Variants in IRF5 observed in about 807,000 individuals in gnomAD.
The protein encoded by IRF5 is interferon regulatory factor 5.
In IRF5, 24 loss-of-function variants were observed where a neutral mutation model predicts 55.1. That is an observed-to-expected ratio of 0.44 (90% confidence interval 0.32 to 0.61). IRF5 has a LOEUF of 0.61. Among genes scored for constraint, IRF5 ranks in the 20% least tolerant of loss-of-function variants. The pLI, the probability that IRF5 is intolerant of heterozygous loss-of-function variation, is 0.07. For synonymous variants in IRF5, 258 were observed against 260.2 expected, an observed-to-expected ratio of 0.99 and a Z score of 0.08; for missense variants, 499 against 658.5, an observed-to-expected ratio of 0.76 and a Z score of 2.65.
rs1209881254 is a variant in IRF5, at chr7:128,947,069, G to A, written c.481+13G>A. The A allele has an allele frequency of 6.2e-7, 1 of 1,614,132 alleles. No homozygotes were observed. The highest frequency in any genetic ancestry group is 1.3e-5 in the African/African-American group (1 of 75,032). On this transcript the variant is annotated intron_variant, in intron 5 of 8. Coordinates refer to ENST00000357234, the MANE Select transcript of IRF5 (RefSeq NM_001098629.3). The surrounding 1 kb of genome is among the most constrained non-coding windows in gnomAD (Gnocchi z 6.5). Reference sequence around the variant, plus strand: ...CTGAGCCTCACAGGTGGGGCCGGGAGGTGGTGGTTGGGGGTCTAGTATACA... The same window carrying A: ...CTGAGCCTCACAGGTGGGGCCGGGAAGTGGTGGTTGGGGGTCTAGTATACA...
chr7:128,938,517 G>A (rs1457807523), intron 1 of IRF5, among the ~76,000 whole-genome samples: 1 of 152,212 alleles, frequency 6.6e-6, no homozygotes, highest in South Asian at 2.1e-4. Flanking sequence ...TGCTCTTACC[G>A]GGCCACCCTC....
In IRF5 at chr7:128,946,863, C is replaced by A; in HGVS notation, c.448-160C>A. On this transcript the variant is annotated intron_variant, in intron 4 of 8. Transcript: ENST00000357234. This position sits in a 1 kb window ranked among gnomAD's most constrained non-coding sequence, Gnocchi z 4.2. The stretch of plus-strand genomic sequence containing the variant: ...GCTTTTCTGACCTGCCTGGGATGGA[C>A]GAGCTGGGACCGGAGGCAGGGTCTT... 1.2e-6 allele frequency: 1 copy of A among 860,780 alleles called. No homozygotes were observed. The highest frequency in any genetic ancestry group is 1.9e-6 in the Non-Finnish European group (1 of 530,526). 53.3% of individuals were successfully genotyped at this position (860,780 alleles called of 1,614,324 possible). A position where few individuals can be genotyped will look rare whatever the true frequency, so the allele number is the denominator to read the frequency against.
Position 128,946,504 on chromosome 7 carries a change from C to T in IRF5, c.389C>T (p.Ser130Phe). ...CTTTTCTCTCCCTGCTGTGCAGACT[C>T]CCAGCCCCCTGAGGATTACTCTTTT... is the stretch of plus-strand genomic sequence containing the variant. Reference protein sequence around the residue: ...VCSNGPAPTDSQPPEDYSFGA... With the variant: ...VCSNGPAPTDFQPPEDYSFGA... Residue 130 changes from serine (S) to phenylalanine (F), a missense_variant, in exon 4 of 9, where the codon TCC (serine) becomes TTC (phenylalanine). Ser to Phe is a radical substitution (Grantham distance 155, BLOSUM62 -2). This residue lies in a region of IRF5 where 305 missense variants were observed against 340.2 expected (regional missense o/e 0.90). Coordinates refer to ENST00000357234, the MANE Select transcript of IRF5 (RefSeq NM_001098629.3). This position sits in a 1 kb window ranked among gnomAD's most constrained non-coding sequence, Gnocchi z 4.2. The T allele has an allele frequency of 6.2e-7, 1 of 1,606,616 alleles. No homozygotes were observed. The highest frequency in any genetic ancestry group is 1.3e-5 in the African/African-American group (1 of 74,984).
rs1181192323 is a variant in IRF5 at position 128,948,546 on chromosome 7, C to T, written c.1300-27C>T. ...TCTGGCAGCCCTGCCACAGGTCTCC[C>T]TGTCTCATCTCCTCTTTGCCTCCCA... On this transcript the variant is annotated intron_variant, in intron 8 of 8. Transcript: ENST00000357234. The surrounding 1 kb of genome is among the most constrained non-coding windows in gnomAD (Gnocchi z 4.6). The T allele has an allele frequency of 1.9e-6, 3 of 1,611,486 alleles. No individual in the cohort carries two copies. Among genetic ancestry groups the T allele is most frequent in the Non-Finnish European group, 2.5e-6 (3 of 1,179,638 alleles).
In IRF5 at chr7:128,949,051, C is replaced by A; in HGVS notation, c.*233C>A. 3.6e-6 allele frequency: 2 copies of A among 560,476 alleles called. No individual in the cohort carries two copies. The highest frequency in any genetic ancestry group is 4.4e-5 in the South Asian group (2 of 45,214). The allele number at this position is 560,476 out of a possible 1,614,324, so 34.7% of individuals were successfully genotyped here. On this transcript the variant is annotated 3_prime_UTR_variant, in exon 9 of 9. Coordinates refer to ENST00000357234, the MANE Select transcript of IRF5 (RefSeq NM_001098629.3). ...CAGCCTGGCTCTCGGGAAATTCAGC[C>A]ATGAGCAGGGAAAGAACTCTCCCAA...
chr7:128,944,560 C>T (rs1348149692), intron 2 of IRF5, among the ~76,000 whole-genome samples: 1 of 152,198 alleles, frequency 6.6e-6, no homozygotes, highest in East Asian at 1.9e-4. Flanking sequence ...CTCCCTCCTT[C>T]CCTGGTTCAT....
Position 128,947,918 on chromosome 7 carries a change from A to G in IRF5, c.977A>G (p.Gln326Arg). The G allele has an allele frequency of 6.2e-7, 1 of 1,614,098 alleles. No individual in the cohort carries two copies. The highest frequency in any genetic ancestry group is 8.5e-7 in the Non-Finnish European group (1 of 1,180,012). Residue 326 changes from glutamine (Q) to arginine (R), a missense_variant, in exon 7 of 9, where the codon CAG becomes CGG. By Grantham distance (43) the Gln-to-Arg change is conservative. Around this residue, in one of 2 missense-constraint regions of IRF5, gnomAD observed 194 missense variants for 318.3 expected, o/e 0.61. Transcript: ENST00000357234. The surrounding 1 kb of genome is among the most constrained non-coding windows in gnomAD (Gnocchi z 6.5). ...CCTGAGGACATCCCCAGTGACAAGCAGCGCTTCTACACGAACCAGCTGCTG... is the reference window on the plus strand; with the variant it reads ...CCTGAGGACATCCCCAGTGACAAGCGGCGCTTCTACACGAACCAGCTGCTG... Reference protein sequence around the residue: ...PSPEDIPSDKQRFYTNQLLDV... With the variant: ...PSPEDIPSDKRRFYTNQLLDV...
rs1470509293 is a variant in IRF5 at position 128,942,101 on chromosome 7, T to C, written c.20T>C (p.Val7Ala). 2 of 1,609,700 alleles carry C rather than the reference T, an allele frequency of 1.2e-6. No homozygotes were observed. Among genetic ancestry groups the C allele is most frequent in the Non-Finnish European group, 1.7e-6 (2 of 1,178,306 alleles). The change falls in exon 2 of 9, where the codon GTG becomes GCG. Residue 7 changes from valine to alanine, a missense_variant. By Grantham distance (64) the Val-to-Ala change is moderately conservative. Around this residue, in one of 2 missense-constraint regions of IRF5, gnomAD observed 305 missense variants for 340.2 expected, o/e 0.90. Coordinates refer to ENST00000357234, the MANE Select transcript of IRF5 (RefSeq NM_001098629.3). ...TCTGCCATGAACCAGTCCATCCCAG[T>C]GGCTCCCACCCCACCCCGCCGCGTG... MNQSIPVAPTPPRRVRL... is the reference protein window; with the variant it reads MNQSIPAAPTPPRRVRL...
intron 1 of IRF5, chr7:128,940,766 C>A (rs374856943): frequency 6.6e-6 from 1 of 152,442 alleles, no homozygotes; most frequent in Admixed American, 6.5e-5. Context: ...AGGCAAGGGC[C>A]GGCCTTACCT....
chr7:128,942,836 G>C (rs1380274349), intron 2 of IRF5, among the ~76,000 whole-genome samples: 1 of 151,922 alleles, frequency 6.6e-6, no homozygotes, highest in Non-Finnish European at 1.5e-5. Flanking sequence ...GTACACAGTG[G>C]TGATTTGATA....
In IRF5 at chr7:128,946,545, G is replaced by C; in HGVS notation, c.430G>C (p.Glu144Gln). The C allele has an allele frequency of 6.2e-7, 1 of 1,602,308 alleles. No homozygotes were observed. Among genetic ancestry groups the C allele is most frequent in the Non-Finnish European group, 8.5e-7 (1 of 1,173,394 alleles). Residue 144 changes from glutamate (E) to glutamine (Q), a missense_variant, in exon 4 of 9, where the codon GAG (glutamate) becomes CAG (glutamine). Glu to Gln is a conservative substitution (Grantham distance 29, BLOSUM62 2). Around this residue, in one of 2 missense-constraint regions of IRF5, gnomAD observed 305 missense variants for 340.2 expected, o/e 0.90. Coordinates refer to ENST00000357234, the MANE Select transcript of IRF5 (RefSeq NM_001098629.3). The surrounding 1 kb of genome is among the most constrained non-coding windows in gnomAD (Gnocchi z 4.2). ...EDYSFGAGEEEEEEEELQRML... is the reference protein window; with the variant it reads ...EDYSFGAGEEQEEEEELQRML... The stretch of plus-strand genomic sequence containing the variant: ...TTACTCTTTTGGTGCAGGAGAGGAG[G>C]AGGAAGAAGAGGAAGAGGTGAGTGT...
At chr7:128,942,378 G>T (rs140199191) in intron 2 of IRF5, 102 bp downstream of exon 2, 9 of 996,630 alleles carry the variant, frequency 9.0e-6, no homozygotes, top group Non-Finnish European at 1.3e-5. Context: ...CTGGCCACCC[G>T]CCCAGCTACC....
rs1160353643 is a variant in IRF5, at chr7:128,949,686, A to T, written c.*868A>T. 1 of 152,246 alleles carries T rather than the reference A, an allele frequency of 6.6e-6. No individual in the cohort carries two copies. The highest frequency in any genetic ancestry group is 2.4e-5 in the African/African-American group (1 of 41,456). The allele number at this position is 152,246 out of a possible 1,614,324, so 9.4% of individuals were successfully genotyped here. A position where few individuals can be genotyped will look rare whatever the true frequency, so the allele number is the denominator to read the frequency against. On this transcript the variant is annotated 3_prime_UTR_variant, in exon 9 of 9. Transcript: ENST00000357234. ...CCATAAAAGGGTGGGCTAGCATTGC[A>T]GCTGCATTTGGGACCATTCAAATCT...
rs201418545 is a variant in IRF5 at position 128,946,562 on chromosome 7, G to A, written c.447G>A (p.Glu149=). Residue 149 remains glutamate, a splice_region_variant and synonymous_variant, in exon 4 of 9, where the codon GAG becomes GAA. Transcript: ENST00000357234. This position sits in a 1 kb window ranked among gnomAD's most constrained non-coding sequence, Gnocchi z 4.2. ...GAGAGGAGGAGGAAGAAGAGGAAGA[G>A]GTGAGTGTGGGTTGAGGAGGCAGGT... The part of the protein sequence containing the change: ...GAGEEEEEEE[E]LQRMLPSLSL... The A allele has an allele frequency of 3.9e-4, 620 of 1,591,564 alleles. 4 individuals carry two copies. In the Admixed American group the frequency reaches 1.0e-2, roughly 26 times the overall value.
chr7:128,946,538 A>G lies in IRF5; in HGVS notation c.423A>G (p.Gly141=), dbSNP rs1796312552. The stretch of plus-strand genomic sequence containing the variant: ...CTGAGGATTACTCTTTTGGTGCAGG[A>G]GAGGAGGAGGAAGAAGAGGAAGAGG... ...QPPEDYSFGA[G]EEEEEEEELQ... is the part of the protein sequence containing the mutation. The change falls in exon 4 of 9, where the codon GGA becomes GGG. Residue 141 remains glycine, a synonymous_variant. Coordinates refer to ENST00000357234, the MANE Select transcript of IRF5 (RefSeq NM_001098629.3). This position sits in a 1 kb window ranked among gnomAD's most constrained non-coding sequence, Gnocchi z 4.2. The G allele has an allele frequency of 6.2e-7, 1 of 1,607,326 alleles. No individual in the cohort carries two copies. The highest frequency in any genetic ancestry group is 1.3e-5 in the African/African-American group (1 of 74,920).
rs944197431 is a variant in IRF5, at chr7:128,947,187, C to G, written c.482-43C>G. On this transcript the variant is annotated intron_variant, in intron 5 of 8. Coordinates refer to ENST00000357234, the MANE Select transcript of IRF5 (RefSeq NM_001098629.3). The surrounding 1 kb of genome is among the most constrained non-coding windows in gnomAD (Gnocchi z 6.5). The stretch of plus-strand genomic sequence containing the variant: ...GAGGAGGTGTGCCTGGGAGGCAGTT[C>G]GTGGAGGTGGCACTGACAGCCGTCC... 6.3e-7 allele frequency: 1 copy of G among 1,598,800 alleles called. No individual in the cohort carries two copies.
rs1456884262 is a variant in IRF5, at chr7:128,946,934, CTGT to C, written c.448-87_448-85del. The C allele has an allele frequency of 6.6e-7, 1 of 1,525,898 alleles. No individual in the cohort carries two copies. The highest frequency in any genetic ancestry group is 1.4e-5 in the African/African-American group (1 of 73,144). The allele number at this position is 1,525,898 out of a possible 1,614,324, so 94.5% of individuals were successfully genotyped here. A position where few individuals can be genotyped will look rare whatever the true frequency, so the allele number is the denominator to read the frequency against. The stretch of plus-strand genomic sequence containing the variant: ...AGGGGAGTTGCCTCATAGTTCTCGC[CTGT>C]TATTTCCCCAGCCCCAGGTCAGTGG... On this transcript the variant is annotated intron_variant, in intron 4 of 8. Coordinates refer to ENST00000357234, the MANE Select transcript of IRF5 (RefSeq NM_001098629.3). The surrounding 1 kb of genome is among the most constrained non-coding windows in gnomAD (Gnocchi z 4.2).
Position 128,947,900 on chromosome 7 carries a change from A to G in IRF5, c.959A>G (p.Asp320Gly), listed in dbSNP as rs745628783. 10 of 1,613,982 alleles carry G rather than the reference A, an allele frequency of 6.2e-6. No individual in the cohort carries two copies. The highest frequency in any genetic ancestry group is 8.5e-6 in the Non-Finnish European group (10 of 1,180,020). Residue 320 changes from aspartate (D) to glycine (G), a missense_variant, in exon 7 of 9, where the codon GAC (aspartate) becomes GGC (glycine). By Grantham distance (94) the Asp-to-Gly change is moderately conservative (BLOSUM62 -1). Around this residue, in one of 2 missense-constraint regions of IRF5, gnomAD observed 194 missense variants for 318.3 expected, o/e 0.61. Transcript: ENST00000357234. This position sits in a 1 kb window ranked among gnomAD's most constrained non-coding sequence, Gnocchi z 6.5. ...CAAGTGCGCTTCCCCAGCCCTGAGGACATCCCCAGTGACAAGCAGCGCTTC... is the reference window on the plus strand; with the variant it reads ...CAAGTGCGCTTCCCCAGCCCTGAGGGCATCCCCAGTGACAAGCAGCGCTTC... ...LEQVRFPSPE[D>G]IPSDKQRFYT...
rs1796420794 is a variant in IRF5 at position 128,948,033 on chromosome 7, G to A, written c.1092G>A (p.Gly364=). Residue 364 remains glycine (G), a synonymous_variant, in exon 7 of 9, where the codon GGG becomes GGA. Coordinates refer to ENST00000357234, the MANE Select transcript of IRF5 (RefSeq NM_001098629.3). The surrounding 1 kb of genome is among the most constrained non-coding windows in gnomAD (Gnocchi z 4.6). ...RLCQCKVFWS[G]PCASAHDSCP... is the part of the protein sequence containing the mutation. ...GTCAGTGCAAGGTGTTCTGGAGCGG[G>A]CCTTGTGCCTCAGCCCATGACTCAT... 4 of 1,614,060 alleles carry A rather than the reference G, an allele frequency of 2.5e-6. No homozygotes were observed. In the African/African-American group the frequency reaches 4.0e-5, roughly 16 times the overall value.
Sources: allele counts gnomAD v4.1 joint callset (sites outside exome capture counted in the v4.1 genomes callset), GRCh38; gene constraint gnomAD v4.1.1; regional missense constraint gnomAD v4.1.1; non-coding constraint Gnocchi (gnomAD v3.1); transcripts MANE v1.5; gene names NCBI Gene and HGNC (gene_info 2026-07-23, HGNC 2026-07-21).